LRRC9: variants seen among roughly 807,000 people sequenced by gnomAD.
The protein encoded by LRRC9 is leucine rich repeat containing 9.
In LRRC9, 122 loss-of-function variants were observed where a neutral mutation model predicts 63.2. That is an observed-to-expected ratio of 1.93 (90% CI 1.67 to 2.24). The LOEUF (loss-of-function observed/expected upper bound fraction) is 2.24, where lower values mean the gene tolerates loss of function less well. Ranked by LOEUF, LRRC9 falls within the 30% of genes most tolerant of loss-of-function variation. The pLI is 0.00. For missense variants in LRRC9, 1,071 were observed against 627.7 expected (o/e 1.71, Z -7.55); for synonymous variants, 366 against 213.1 (o/e 1.72, Z -6.25).
In LRRC9 at chr14:59,936,916, C is replaced by T. The variant is rs1045750471; in HGVS notation, c.544-1474C>T. Among the ~76,000 whole-genome samples, 1 of 152,084 alleles carries T rather than the reference C, an allele frequency of 6.6e-6. No individual in the cohort carries two copies. The highest frequency in any genetic ancestry group is 1.5e-5 in the Non-Finnish European group (1 of 68,010). ...TAGACCTAATGCTTCCTAGTTCTTC[C>T]TTTGGATTTCCCTTAACTCTGATTC... is the stretch of plus-strand genomic sequence containing the variant. On this transcript the variant is annotated intron_variant, in intron 6 of 31. Coordinates refer to ENST00000445360, the Ensembl canonical transcript of LRRC9. This position sits in a 1 kb window ranked among gnomAD's most constrained non-coding sequence, Gnocchi z 4.2.
chr14:60,037,875 T>G (rs1413866076), intron 29 of LRRC9, among the ~76,000 whole-genome samples: 1 of 152,234 alleles, frequency 6.6e-6, no homozygotes, highest in Non-Finnish European at 1.5e-5. Flanking sequence ...GTCTAGGTTT[T>G]CTTCTAGGGT....
intron 17 of LRRC9, among the ~76,000 whole-genome samples, chr14:59,996,135 A>G (rs1443583803): frequency 6.6e-6 from 1 of 152,154 alleles, no homozygotes; most frequent in Admixed American, 6.5e-5. Flanking sequence ...CTTATGATGA[A>G]AATTGGGAAC....
At chr14:60,025,106 T>C (rs1891434157) in intron 27 of LRRC9, among the ~76,000 whole-genome samples, 1 of 151,732 alleles carries the variant, frequency 6.6e-6, no homozygotes, top group South Asian at 2.1e-4. Flanking sequence ...TTTATTATTT[T>C]TTGAGAAAGG....
At chr14:60,021,742 CTCCTT>C (rs1891132393) in intron 26 of LRRC9, among the ~76,000 whole-genome samples, 1 of 151,800 alleles carries the variant, frequency 6.6e-6, no homozygotes, top group South Asian at 2.1e-4. Flanking sequence ...TTAGAACACT[CTCCTT>C]TCCTCTATTG....
At chr14:60,022,791 T>C (rs1317976858) in exon 27 of LRRC9, 1 of 689,514 alleles carries the variant, frequency 1.5e-6, no homozygotes, top group African/African-American at 1.8e-5. Flanking sequence ...AAGTTCTTCA[T>C]TTGGGCTACA....
intron 10 of LRRC9, among the ~76,000 whole-genome samples, chr14:59,961,479 G>A (rs1884346404): frequency 6.6e-6 from 1 of 152,208 alleles, no homozygotes; most frequent in Non-Finnish European, 1.5e-5. Flanking sequence ...GGCAACAGCA[G>A]GTTGCCAACA....
chr14:59,968,712 T>C (rs1475229043), intron 12 of LRRC9, among the ~76,000 whole-genome samples: 1 of 152,148 alleles, frequency 6.6e-6, no homozygotes, highest in African/African-American at 2.4e-5. Flanking sequence ...CTATGAACCA[T>C]TATCGGGAGA....
chr14:59,975,127 G>GTA (rs1286444884), intron 13 of LRRC9, among the ~76,000 whole-genome samples: 182 of 9,158 alleles, frequency 0.02, 25 homozygotes, highest in African/African-American at 0.035. Flanking sequence ...ATATATATAT[G>GTA]TATATATATA....
chr14:59,955,770 A>G (rs1263050874), intron 8 of LRRC9, among the ~76,000 whole-genome samples: 1 of 152,020 alleles, frequency 6.6e-6, no homozygotes, highest in East Asian at 1.9e-4. Flanking sequence ...TTCTGTTGTG[A>G]GCATTTAGTG....
chr14:60,055,610 G>A (rs1224673540), intron 30 of LRRC9, among the ~76,000 whole-genome samples: 2 of 152,046 alleles, frequency 1.3e-5, no homozygotes, highest in African/African-American at 2.4e-5. Flanking sequence ...ATACTGGCAG[G>A]GGCCAGGCTT....
intron 17 of LRRC9, among the ~76,000 whole-genome samples, chr14:59,991,677 C>A (rs557878240): frequency 1.3e-5 from 2 of 152,298 alleles, no homozygotes; most frequent in East Asian, 3.9e-4. Flanking sequence ...ATATCCCGCG[C>A]ATAGCTCGGA....
Position 59,932,732 on chromosome 14 carries a change from A to C in LRRC9, c.543+693A>C, listed in dbSNP as rs1191879126. On this transcript the variant is annotated intron_variant, in intron 6 of 31. Coordinates refer to ENST00000445360, the Ensembl canonical transcript of LRRC9. The surrounding 1 kb of genome is among the most constrained non-coding windows in gnomAD (Gnocchi z 4.7). Reference sequence around the variant, plus strand: ...TCTGCATCACTACCAAGCTGATTCAAGACACTATCATCTCTAACCTGCATT... The same window carrying C: ...TCTGCATCACTACCAAGCTGATTCACGACACTATCATCTCTAACCTGCATT... Among the ~76,000 whole-genome samples, 1 of 152,136 alleles carries C rather than the reference A, an allele frequency of 6.6e-6. No individual in the cohort carries two copies. The highest frequency in any genetic ancestry group is 1.5e-5 in the Non-Finnish European group (1 of 68,004).
intron 27 of LRRC9, among the ~76,000 whole-genome samples, chr14:60,023,451 GA>G (rs921393621): frequency 2.6e-5 from 4 of 151,888 alleles, no homozygotes; most frequent in Non-Finnish European, 5.9e-5. Flanking sequence ...GGGGGAGGAG[GA>G]AAAGAGTCAC....
Position 60,018,884 on chromosome 14 carries a change from CAGG to C in LRRC9, c.3427-234_3427-232del, listed in dbSNP as rs147938478. Among the ~76,000 whole-genome samples the C allele has an allele frequency of 2.9e-3, 447 of 151,944 alleles. 3 individuals are homozygous for C. The highest frequency in any genetic ancestry group is 0.01 in the African/African-American group (428 of 41,496). ...TCATCCTTGTCAGGTTTGGAGAAAT[CAGG>C]AGAACAGATTGAGAAAGTTGAGGAG... On this transcript the variant is annotated intron_variant, in intron 25 of 31. Transcript: ENST00000445360.
intron 14 of LRRC9, among the ~76,000 whole-genome samples, chr14:59,977,568 TTGTGTGTGTG>T (rs150262478): frequency 8.3e-5 from 12 of 144,608 alleles, no homozygotes; most frequent in African/African-American, 2.0e-4. Context: ...AATTATGTAT[TTGTGTGTGTG>T]TGTGTGTGTG....
At chr14:60,063,958 C>T (rs1214198324), downstream of LRRC9, among the ~76,000 whole-genome samples, 1 of 151,972 alleles carries the variant, frequency 6.6e-6, no homozygotes, top group Admixed American at 6.6e-5. Flanking sequence ...TTTAGAGATG[C>T]AAATTGTGGG....
chr14:60,044,410 CTTT>C (rs1224465905), intron 29 of LRRC9, among the ~76,000 whole-genome samples: 1 of 152,058 alleles, frequency 6.6e-6, no homozygotes, highest in Non-Finnish European at 1.5e-5. Context: ...AGACTTTCAA[CTTT>C]TTTGACATAG....
In LRRC9 at chr14:59,978,133, G is replaced by A. The variant is rs1886513944; in HGVS notation, c.1878+1G>A. On this transcript the variant is annotated splice_donor_variant, in intron 15 of 31. Coordinates refer to ENST00000445360, the Ensembl canonical transcript of LRRC9. LOFTEE classifies it high-confidence loss of function. ...TGTTGAATTTGAGTATATTACAATG[G>A]TATGAATTGTTACATATTCTTAAAG... 1 of 701,286 alleles carries A rather than the reference G, an allele frequency of 1.4e-6. No homozygotes were observed. Among genetic ancestry groups the A allele is most frequent in the South Asian group, 1.5e-5 (1 of 67,416 alleles). 43.4% of individuals were successfully genotyped at this position (701,286 alleles called of 1,614,324 possible).
At chr14:59,946,230 C>A (rs1882371320) in intron 8 of LRRC9, among the ~76,000 whole-genome samples, 1 of 150,618 alleles carries the variant, frequency 6.6e-6, no homozygotes, top group Non-Finnish European at 1.5e-5. Context: ...ATATTTAATG[C>A]TTTTTTAAAG....
Sources: gnomAD v4.1 joint callset for allele counts (sites outside exome capture counted in the v4.1 genomes callset) on GRCh38, gnomAD v4.1.1 for gene constraint, Gnocchi (gnomAD v3.1) non-coding constraint, MANE v1.5 for transcripts, NCBI Gene and HGNC (gene_info 2026-07-23, HGNC 2026-07-21) for gene names.